Variants in KIAA1549 observed in about 807,000 individuals in gnomAD.
KIAA1549 encodes the protein KIAA1549.
In KIAA1549, 70 loss-of-function variants were observed where a neutral mutation model predicts 156.4. That is an observed-to-expected ratio of 0.45 (90% confidence interval 0.37 to 0.55). KIAA1549 has a LOEUF of 0.55. KIAA1549 is among the 20% of genes least tolerant of loss of function. The probability of loss-of-function intolerance (pLI) is 0.00; values close to 1 mark genes in which losing one functional copy is unlikely to be tolerated. For missense variants in KIAA1549, 2,428 were observed against 2,540.9 expected, an observed-to-expected ratio of 0.96 and a Z score of 0.96; for synonymous variants, 1,103 against 1,066.4, an observed-to-expected ratio of 1.03 and a Z score of -0.67.
At chr7:138,949,587 C>A (rs1023444595) in intron 1 of KIAA1549, among the ~76,000 whole-genome samples, 1 of 152,128 alleles carries the variant, frequency 6.6e-6, no homozygotes, top group Non-Finnish European at 1.5e-5. Flanking sequence ...TAGGACTCCA[C>A]AAACACCTAA....
intron 17 of KIAA1549, among the ~76,000 whole-genome samples, chr7:138,850,817 G>T (rs1265892439): frequency 6.6e-6 from 1 of 152,028 alleles, no homozygotes; most frequent in South Asian, 2.1e-4. Context: ...TGTCTTCCAA[G>T]GTTTTTATAG....
chr7:138,969,792 T>G (rs1198893788), intron 1 of KIAA1549, among the ~76,000 whole-genome samples: 1 of 152,098 alleles, frequency 6.6e-6, no homozygotes, highest in Non-Finnish European at 1.5e-5. Context: ...GGGGTTTCAC[T>G]GTGTTGGCCA....
intron 1 of KIAA1549, among the ~76,000 whole-genome samples, chr7:138,948,667 G>A (rs1203724969): frequency 1.3e-5 from 2 of 150,492 alleles, no homozygotes; most frequent in Non-Finnish European, 2.9e-5. Flanking sequence ...TGGTTTATGG[G>A]GTTTATACTG....
In KIAA1549 at chr7:138,916,758, C is replaced by T. The variant is rs1295344482; in HGVS notation, c.2868G>A (p.Leu956=). ...VCDITVPDAY[L]ITTVLARRAV... ...GAAGCTGGGCCTTACCAGTTGTGATCAGATAGGCATCGGGGACTGTGATAT... is the reference window on the plus strand; with the variant it reads ...GAAGCTGGGCCTTACCAGTTGTGATTAGATAGGCATCGGGGACTGTGATAT... The change falls in exon 2 of 20, where the codon CTG becomes CTA. Residue 956 remains leucine (L), a synonymous_variant. Transcript: ENST00000422774. 3.1e-6 allele frequency: 5 copies of T among 1,613,824 alleles called. No individual in the cohort carries two copies. The highest frequency in any genetic ancestry group is 4.2e-6 in the Non-Finnish European group (5 of 1,179,804).
At chr7:138,890,118 G>T (rs1032445759) in intron 10 of KIAA1549, among the ~76,000 whole-genome samples, 2 of 152,182 alleles carry the variant, frequency 1.3e-5, no homozygotes, top group African/African-American at 4.8e-5. Context: ...ATCACAGAGG[G>T]AACAGGCCAC....
At chr7:138,844,287 C>G (rs1810005376) in intron 18 of KIAA1549, 30 bp downstream of exon 18, 1 of 1,613,360 alleles carries the variant, frequency 6.2e-7, no homozygotes, top group African/African-American at 1.3e-5. Flanking sequence ...TCCCGTAGCT[C>G]AGAAATGGAA....
Position 138,939,224 on chromosome 7 carries a change from C to T in KIAA1549, c.188-19786G>A, listed in dbSNP as rs150120313. Among the ~76,000 whole-genome samples, 901 of 152,158 alleles carry T rather than the reference C, an allele frequency of 5.9e-3. 7 individuals carry two copies. Among genetic ancestry groups the T allele is most frequent in the African/African-American group, 0.02 (832 of 41,510 alleles). ...TTATAACCACAATATAATTATCACA[C>T]CCAACAAAATTAAAAATAATTCCTA... On this transcript the variant is annotated intron_variant, in intron 1 of 19. Transcript: ENST00000422774.
intron 1 of KIAA1549, among the ~76,000 whole-genome samples, chr7:138,966,933 A>G (rs1018980072): frequency 1.3e-5 from 2 of 152,104 alleles, no homozygotes; most frequent in African/African-American, 2.4e-5. Flanking sequence ...TAAGCCACTC[A>G]GTGTGTGGTA....
chr7:138,890,238 A>AT (rs1811509851), intron 10 of KIAA1549, among the ~76,000 whole-genome samples: 1 of 152,228 alleles, frequency 6.6e-6, no homozygotes, highest in Admixed American at 6.5e-5. Context: ...CACGTGGGCC[A>AT]TAAATACAGT....
intron 1 of KIAA1549, among the ~76,000 whole-genome samples, chr7:138,972,801 T>C (rs1404958050): frequency 6.6e-6 from 1 of 152,066 alleles, no homozygotes; most frequent in South Asian, 2.1e-4. Flanking sequence ...CTTCCTTAAA[T>C]TGTCAACCAC....
At chr7:138,934,046 T>C (rs926314149) in intron 1 of KIAA1549, among the ~76,000 whole-genome samples, 7 of 152,128 alleles carry the variant, frequency 4.6e-5, no homozygotes, top group African/African-American at 1.4e-4. Context: ...AAGTAGTGTA[T>C]GGGTTTTTGT....
rs143342815 is a variant in KIAA1549 at position 138,874,987 on chromosome 7, C to T, written c.4346-3625G>A. ...CCCAGCCTGGGCAACAGAGTGAGAC[C>T]GTGTCTCAAAAAAATAAAAATAAAA... On this transcript the variant is annotated intron_variant, in intron 12 of 19. Transcript: ENST00000422774. 6.4e-3 allele frequency among the ~76,000 whole-genome samples: 965 copies of T among 151,858 alleles called. 6 individuals are homozygous for T. Among genetic ancestry groups the T allele is most frequent in the African/African-American group, 0.022 (915 of 41,390 alleles).
rs1814546763 is a variant in KIAA1549 at position 138,981,282 on chromosome 7, C to A, written c.-13G>T. ...GCGCCCCCGGCATTCCCGGCCGGCG[C>A]CCCGGCCCGGCCTCGCGGCTCAGCG... On this transcript the variant is annotated 5_prime_UTR_variant, in exon 1 of 20. Coordinates refer to ENST00000422774, the MANE Select transcript of KIAA1549 (RefSeq NM_001164665.2). The surrounding 1 kb of genome is among the most constrained non-coding windows in gnomAD (Gnocchi z 4.5). 1.0e-6 allele frequency: 1 copy of A among 971,368 alleles called. No individual in the cohort carries two copies. The highest frequency in any genetic ancestry group is 1.2e-6 in the Non-Finnish European group (1 of 819,926). The allele number at this position is 971,368 out of a possible 1,614,324, so 60.2% of individuals were successfully genotyped here.
chr7:138,872,066 G>C (rs1005069328), intron 12 of KIAA1549, among the ~76,000 whole-genome samples: 3 of 152,068 alleles, frequency 2.0e-5, no homozygotes, highest in African/African-American at 2.4e-5. Context: ...TCAGCCTCCT[G>C]AGTAGCTGGA....
intron 1 of KIAA1549, among the ~76,000 whole-genome samples, chr7:138,952,896 A>C (rs1392237800): frequency 6.6e-6 from 1 of 152,240 alleles, no homozygotes; most frequent in East Asian, 1.9e-4. Flanking sequence ...GGAGGCAAAT[A>C]AGGAGCAAGT....
intron 1 of KIAA1549, among the ~76,000 whole-genome samples, chr7:138,980,535 T>C (rs1182296911): frequency 6.6e-6 from 1 of 152,228 alleles, no homozygotes; most frequent in Non-Finnish European, 1.5e-5. Context: ...CCTGGAAAGA[T>C]CCGTGGCCAG....
chr7:138,872,360 GA>G (rs35756099), intron 12 of KIAA1549, among the ~76,000 whole-genome samples: 1,960 of 104,010 alleles, frequency 0.019, 24 homozygotes, highest in African/African-American at 0.055. Flanking sequence ...TCAGAACTGT[GA>G]AAAAAAAAAA....
chr7:138,922,652 T>C (rs1812596612), intron 1 of KIAA1549, among the ~76,000 whole-genome samples: 1 of 151,924 alleles, frequency 6.6e-6, no homozygotes, highest in African/African-American at 2.4e-5. Context: ...TCAATATACA[T>C]GTAAAACAGC....
At chr7:138,870,840 T>C (rs928087651) in intron 13 of KIAA1549, among the ~76,000 whole-genome samples, 1 of 152,156 alleles carries the variant, frequency 6.6e-6, no homozygotes, top group African/African-American at 2.4e-5. Context: ...TGTTTTGAGA[T>C]GGAGTCTCAC....
Sources: gnomAD v4.1 joint callset for allele counts (sites outside exome capture counted in the v4.1 genomes callset) on GRCh38, gnomAD v4.1.1 for gene constraint, Gnocchi (gnomAD v3.1) non-coding constraint, MANE v1.5 for transcripts, NCBI Gene and HGNC (gene_info 2026-07-23, HGNC 2026-07-21) for gene names.